Variants in GPR158 observed in about 807,000 individuals in gnomAD.
GPR158 encodes G protein-coupled receptor 158.
A neutral mutation model predicts 78.2 loss-of-function variants in GPR158; 30 were observed. The observed-to-expected ratio is 0.38, with a 90% CI of 0.29 to 0.52. GPR158 has a LOEUF of 0.52. Among genes scored for constraint, GPR158 ranks in the 20% least tolerant of loss-of-function variants. GPR158 has a pLI of 0.83. For synonymous variants in GPR158, 581 were observed against 591.1 expected (o/e 0.98, Z 0.25); for missense variants, 1,463 against 1,523.5 (o/e 0.96, Z 0.66).
At chr10:25,364,487 C>T (rs1299257899) in intron 2 of GPR158, among the ~76,000 whole-genome samples, 2 of 151,802 alleles carry the variant, frequency 1.3e-5, no homozygotes, top group African/African-American at 4.8e-5. Flanking sequence ...ATCCCTGATT[C>T]GCCATTGCAA....
At chr10:25,300,383 A>G (rs1388957441) in intron 2 of GPR158, among the ~76,000 whole-genome samples, 1 of 152,118 alleles carries the variant, frequency 6.6e-6, no homozygotes, top group African/African-American at 2.4e-5. Flanking sequence ...TTCACTTTCA[A>G]GAACACTTGT....
chr10:25,212,940 G>A (rs1424922690), intron 1 of GPR158, among the ~76,000 whole-genome samples: 2 of 152,002 alleles, frequency 1.3e-5, no homozygotes, highest in Non-Finnish European at 2.9e-5. Flanking sequence ...TGTAGGTTTT[G>A]TTACTATTTT....
intron 2 of GPR158, among the ~76,000 whole-genome samples, chr10:25,221,581 G>A (rs1853300342): frequency 6.6e-6 from 1 of 152,108 alleles, no homozygotes; most frequent in African/African-American, 2.4e-5. Flanking sequence ...GGCATGGTGG[G>A]GCAATTTTGA....
At chr10:25,525,683 A>C (rs1206197536) in intron 5 of GPR158, among the ~76,000 whole-genome samples, 1 of 152,208 alleles carries the variant, frequency 6.6e-6, no homozygotes, top group Admixed American at 6.5e-5. Context: ...AATGACTGCT[A>C]ATCATTATGG....
At chr10:25,528,550 G>C (rs1479999317) in intron 5 of GPR158, among the ~76,000 whole-genome samples, 2 of 151,632 alleles carry the variant, frequency 1.3e-5, no homozygotes, top group African/African-American at 2.4e-5. Flanking sequence ...GTACCTAAAA[G>C]CACTAAATAC....
intron 6 of GPR158, among the ~76,000 whole-genome samples, chr10:25,566,048 G>A (rs1375010931): frequency 1.3e-5 from 2 of 152,152 alleles, no homozygotes; most frequent in South Asian, 2.1e-4. Flanking sequence ...AGGAAAACCG[G>A]AATTGCAACT....
At chr10:25,514,040 T>C (rs1455339810) in intron 5 of GPR158, among the ~76,000 whole-genome samples, 3 of 152,156 alleles carry the variant, frequency 2.0e-5, no homozygotes, top group African/African-American at 7.2e-5. Context: ...AGTCCATTTG[T>C]TCTAAGGTAC....
At chr10:25,183,850 T>G (rs1588722665) in intron 1 of GPR158, among the ~76,000 whole-genome samples, 2 of 152,220 alleles carry the variant, frequency 1.3e-5, no homozygotes, top group East Asian at 1.9e-4. Flanking sequence ...ATGGCTTTTA[T>G]CTGAGAAAGA....
chr10:25,483,182 C>T (rs1026905069), intron 5 of GPR158, among the ~76,000 whole-genome samples: 1 of 151,980 alleles, frequency 6.6e-6, no homozygotes, highest in African/African-American at 2.4e-5. Context: ...TACCCCTGCT[C>T]AAAACCCTGC....
intron 4 of GPR158, among the ~76,000 whole-genome samples, chr10:25,449,517 C>T (rs1835185765): frequency 6.6e-6 from 1 of 152,152 alleles, no homozygotes; most frequent in African/African-American, 2.4e-5. Flanking sequence ...GAGCACAAAA[C>T]ATGGGGAACA....
In GPR158 at chr10:25,320,156, T is replaced by A. The variant is rs1164552527; in HGVS notation, c.1009-75755T>A. On this transcript the variant is annotated intron_variant, in intron 2 of 10. Coordinates refer to ENST00000376351, the MANE Select transcript of GPR158 (RefSeq NM_020752.3). ...TAAGCATAGTTTCCTGAGATATCTTTATATGTCCCAGAGGCCTTCTTTTCT... is the reference window on the plus strand; with the variant it reads ...TAAGCATAGTTTCCTGAGATATCTTAATATGTCCCAGAGGCCTTCTTTTCT... Among the ~76,000 whole-genome samples the A allele has an allele frequency of 2.6e-5, 4 of 152,348 alleles. No homozygotes were observed. In the East Asian group the frequency reaches 7.7e-4, roughly 29 times the overall value.
At chr10:25,362,147 A>G (rs1187629121) in intron 2 of GPR158, among the ~76,000 whole-genome samples, 1 of 151,950 alleles carries the variant, frequency 6.6e-6, no homozygotes, top group Admixed American at 6.6e-5. Context: ...ATATGGCATA[A>G]GGATCCAGCT....
chr10:25,573,825 T>G (rs1022422850), intron 7 of GPR158, among the ~76,000 whole-genome samples: 1 of 152,154 alleles, frequency 6.6e-6, no homozygotes, highest in African/African-American at 2.4e-5. Flanking sequence ...TGGAGGAATA[T>G]TTTTCTGGGC....
At chr10:25,224,455 G>T (rs369157490) in intron 2 of GPR158, among the ~76,000 whole-genome samples, 3 of 151,238 alleles carry the variant, frequency 2.0e-5, no homozygotes, top group African/African-American at 7.3e-5. Context: ...AATTTTACAA[G>T]ATTGAGATGA....
chr10:25,249,050 C>A (rs1403042589), intron 2 of GPR158, among the ~76,000 whole-genome samples: 3 of 151,602 alleles, frequency 2.0e-5, no homozygotes, highest in Non-Finnish European at 2.9e-5. Flanking sequence ...AAGTTGGATT[C>A]CTTGGTATTT....
intron 1 of GPR158, among the ~76,000 whole-genome samples, chr10:25,187,497 T>C (rs1852704882): frequency 6.6e-6 from 1 of 152,156 alleles, no homozygotes; most frequent in Non-Finnish European, 1.5e-5. Context: ...TCAATAAACG[T>C]AATCCAGCAT....
rs541449044 is a variant in GPR158, at chr10:25,557,095, G to A, written c.1514+6010G>A. Reference sequence around the variant, plus strand: ...AATTTTCTTCATGATTTTATTAATCGAGGAAGCACTAGTGTGGAATGCACC... The same window carrying A: ...AATTTTCTTCATGATTTTATTAATCAAGGAAGCACTAGTGTGGAATGCACC... On this transcript the variant is annotated intron_variant, in intron 6 of 10. Transcript: ENST00000376351. Among the ~76,000 whole-genome samples, 16 of 152,282 alleles carry A rather than the reference G, an allele frequency of 1.1e-4. No individual in the cohort carries two copies. The East Asian group carries it at 1.7e-3, about 17-fold the overall frequency.
chr10:25,524,408 C>T lies in GPR158; in HGVS notation c.1405-26568C>T, dbSNP rs1455727567. 4.6e-5 allele frequency among the ~76,000 whole-genome samples: 7 copies of T among 152,326 alleles called. No individual in the cohort carries two copies. The East Asian group carries it at 1.3e-3, about 29-fold the overall frequency. On this transcript the variant is annotated intron_variant, in intron 5 of 10. Transcript: ENST00000376351. The stretch of plus-strand genomic sequence containing the variant: ...CCACCAAACTTACTACAAAGCTGTG[C>T]TGATCAAGATAATGTGGTACTGAGA...
intron 2 of GPR158, among the ~76,000 whole-genome samples, chr10:25,274,484 AT>A (rs1161056910): frequency 6.6e-6 from 1 of 152,248 alleles, no homozygotes; most frequent in Non-Finnish European, 1.5e-5. Context: ...AGTTTGCAAC[AT>A]AGGTGATTTA....
Sources: allele counts gnomAD v4.1 joint callset (sites outside exome capture counted in the v4.1 genomes callset), GRCh38; gene constraint gnomAD v4.1.1; transcripts MANE v1.5; gene names NCBI Gene and HGNC (gene_info 2026-07-23, HGNC 2026-07-21).